ASTN2: variants seen among roughly 807,000 people sequenced by gnomAD.
ASTN2 encodes the protein astrotactin 2.
A neutral mutation model predicts 139.8 loss-of-function variants in ASTN2; 54 were observed. The ratio of observed to expected loss-of-function variants is 0.39; its 90% confidence interval spans 0.31 to 0.48. The LOEUF is 0.48. ASTN2 is among the 20% of genes least tolerant of loss of function. ASTN2 has a pLI of 0.95. For missense variants in ASTN2, 1,565 were observed against 1,725.1 expected (o/e 0.91, Z 1.64); for synonymous variants, 756 against 719.5 (o/e 1.05, Z -0.81).
chr9:116,442,379 ATTAG>A, intron 21 of ASTN2, 70 bp downstream of exon 21: 1 of 1,156,912 alleles, frequency 8.6e-7, no homozygotes, highest in South Asian at 1.2e-5. Context: ...GTGTTTAATG[ATTAG>A]TGACTGTTGG....
intron 5 of ASTN2, among the ~76,000 whole-genome samples, chr9:117,080,028 G>A (rs1024568517): frequency 9.6e-5 from 10 of 104,350 alleles, no homozygotes; most frequent in South Asian, 6.0e-4. Context: ...GGTTCACACC[G>A]CGAGGACACA....
chr9:116,873,416 C>A (rs1026296459), intron 10 of ASTN2, among the ~76,000 whole-genome samples: 1 of 152,192 alleles, frequency 6.6e-6, no homozygotes, highest in African/African-American at 2.4e-5. Context: ...AGTTACTGCT[C>A]CAGCCTTCAG....
At chr9:117,164,669 G>C (rs902565524) in intron 3 of ASTN2, among the ~76,000 whole-genome samples, 1 of 152,056 alleles carries the variant, frequency 6.6e-6, no homozygotes. Context: ...AGCAGCGAAG[G>C]TTCCTCAGGG....
intron 2 of ASTN2, among the ~76,000 whole-genome samples, chr9:117,282,524 G>A (rs1834348709): frequency 6.6e-6 from 1 of 152,146 alleles, no homozygotes; most frequent in Admixed American, 6.5e-5. Flanking sequence ...TGAAGGTGGG[G>A]TACATTCTAT....
At chr9:117,127,079 C>T (rs1034983429) in intron 4 of ASTN2, among the ~76,000 whole-genome samples, 4 of 152,158 alleles carry the variant, frequency 2.6e-5, no homozygotes, top group Admixed American at 2.6e-4. Context: ...ACTTGTATAG[C>T]TCTGCTGGGA....
chr9:116,620,357 G>A lies in ASTN2; in HGVS notation c.3159C>T (p.Ala1053=), dbSNP rs1487793129. Residue 1053 remains alanine, a synonymous_variant, in exon 18 of 23, where the codon GCC becomes GCT. Transcript: ENST00000313400. ...AGTTGGGGAGCCCATTGGCATCAAA[G>A]GCGCTGAGGTCACACCTGCACCAGT... ...IDDWCRCDLS[A]FDANGLPNCS... is the part of the protein sequence containing the mutation. 1.2e-6 allele frequency: 2 copies of A among 1,614,052 alleles called. No individual in the cohort carries two copies. The highest frequency in any genetic ancestry group is 1.7e-6 in the Non-Finnish European group (2 of 1,180,026).
intron 19 of ASTN2, among the ~76,000 whole-genome samples, chr9:116,535,155 T>A (rs1851558350): frequency 6.6e-6 from 1 of 152,200 alleles, no homozygotes; most frequent in Non-Finnish European, 1.5e-5. Flanking sequence ...TGGTTTAAAG[T>A]CTGTTTTATC....
intron 1 of ASTN2, among the ~76,000 whole-genome samples, chr9:117,385,153 T>C (rs1415201487): frequency 6.6e-6 from 1 of 152,136 alleles, no homozygotes; most frequent in East Asian, 1.9e-4. Context: ...GAATTATAAG[T>C]ACACATCATG....
chr9:116,557,305 T>A (rs944204480), intron 19 of ASTN2, among the ~76,000 whole-genome samples: 4 of 148,400 alleles, frequency 2.7e-5, no homozygotes, highest in African/African-American at 9.9e-5. Flanking sequence ...TGAGAGTACA[T>A]CACTACAACT....
chr9:116,655,703 T>TTA (rs1564185948), intron 16 of ASTN2, among the ~76,000 whole-genome samples: 1 of 152,092 alleles, frequency 6.6e-6, no homozygotes, highest in Non-Finnish European at 1.5e-5. Flanking sequence ...AAGATTTTTT[T>TTA]TATATATATA....
At chr9:116,436,661 TG>T (rs1847659578) in intron 22 of ASTN2, among the ~76,000 whole-genome samples, 1 of 152,150 alleles carries the variant, frequency 6.6e-6, no homozygotes, top group African/African-American at 2.4e-5. Context: ...GAGAATTCTC[TG>T]TGGAGGTGGG....
chr9:116,501,817 C>T (rs1849864334), intron 19 of ASTN2, among the ~76,000 whole-genome samples: 1 of 151,536 alleles, frequency 6.6e-6, no homozygotes, highest in Admixed American at 6.6e-5. Context: ...CTAACCTGCA[C>T]ATTGTGCACG....
At chr9:116,675,710 C>T (rs1859461074) in intron 16 of ASTN2, among the ~76,000 whole-genome samples, 1 of 152,160 alleles carries the variant, frequency 6.6e-6, no homozygotes, top group Admixed American at 6.5e-5. Context: ...GGAAGTCCAG[C>T]AGGCTTAACT....
intron 19 of ASTN2, among the ~76,000 whole-genome samples, chr9:116,605,842 C>G (rs117131958): frequency 3.7e-4 from 57 of 152,180 alleles, no homozygotes; most frequent in Non-Finnish European, 7.2e-4. Context: ...GTAATATGAA[C>G]TAGTGAAAAA....
intron 3 of ASTN2, among the ~76,000 whole-genome samples, chr9:117,171,190 A>T (rs1830784664): frequency 6.6e-6 from 1 of 152,216 alleles, no homozygotes; most frequent in African/African-American, 2.4e-5. Context: ...AAAAAATATT[A>T]CGAGGAAGCA....
intron 2 of ASTN2, among the ~76,000 whole-genome samples, chr9:117,231,954 A>G (rs879842294): frequency 3.9e-5 from 6 of 152,126 alleles, no homozygotes; most frequent in Admixed American, 3.3e-4. Flanking sequence ...TCCTTTTCTC[A>G]TCATTGCTTT....
At chr9:116,811,787 G>T (rs1831174002) in intron 12 of ASTN2, among the ~76,000 whole-genome samples, 1 of 152,094 alleles carries the variant, frequency 6.6e-6, no homozygotes, top group African/African-American at 2.4e-5. Context: ...TATTGTTGTT[G>T]TTACTTAGTC....
At chr9:117,058,557 T>C (rs1839136882) in intron 5 of ASTN2, among the ~76,000 whole-genome samples, 1 of 152,192 alleles carries the variant, frequency 6.6e-6, no homozygotes, top group African/African-American at 2.4e-5. Context: ...ACTAATAAAA[T>C]TTTAACCCAA....
intron 13 of ASTN2, among the ~76,000 whole-genome samples, chr9:116,787,780 G>T (rs912759742): frequency 1.3e-5 from 2 of 152,046 alleles, no homozygotes; most frequent in South Asian, 4.1e-4. Flanking sequence ...TGCTGAATGG[G>T]CTCCTGTATC....
Sources: gnomAD v4.1 joint callset for allele counts (sites outside exome capture counted in the v4.1 genomes callset) on GRCh38, gnomAD v4.1.1 for gene constraint, MANE v1.5 for transcripts, NCBI Gene and HGNC (gene_info 2026-07-23, HGNC 2026-07-21) for gene names.